CLIP4: variants seen among roughly 807,000 people sequenced by gnomAD.
CLIP4 encodes the protein CAP-Gly domain containing linker protein family member 4.
A neutral mutation model predicts 73.1 loss-of-function variants in CLIP4; 47 were observed. The observed-to-expected ratio is 0.64, with a 90% CI of 0.51 to 0.82. The LOEUF is 0.82. Among genes scored for constraint, CLIP4 ranks in the 40% least tolerant of loss-of-function variants. The probability of loss-of-function intolerance (pLI) is 0.00; values close to 1 mark genes in which losing one functional copy is unlikely to be tolerated. For synonymous variants in CLIP4, 306 were observed against 295.4 expected (o/e 1.04, Z -0.37); for missense variants, 874 against 852.9 (o/e 1.02, Z -0.31).
At chr2:29,104,903 C>T (rs951244122) in intron 1 of CLIP4, among the ~76,000 whole-genome samples, 1 of 152,106 alleles carries the variant, frequency 6.6e-6, no homozygotes, top group Non-Finnish European at 1.5e-5. Flanking sequence ...GGTGCTAGGA[C>T]GAGCGGGGTG....
chr2:29,178,905 A>G (rs1668496969), intron 15 of CLIP4, among the ~76,000 whole-genome samples: 1 of 151,962 alleles, frequency 6.6e-6, no homozygotes, highest in South Asian at 2.1e-4. Context: ...AGCGATTATC[A>G]TGCCTCAGCC....
exon 1 of CLIP4, chr2:29,097,814 G>A (rs7598888): frequency 0.14 from 21,598 of 152,206 alleles, 1,782 homozygotes; most frequent in Middle Eastern, 0.27. Context: ...CTCAGGGAGT[G>A]CAGTATGAAA....
At position 29,115,997 on chromosome 2, in the gene CLIP4, C is replaced by G. The variant is rs1210397822; in HGVS notation, c.-16+332C>G. Among the ~76,000 whole-genome samples the G allele has an allele frequency of 6.6e-6, 1 of 152,188 alleles. No individual in the cohort carries two copies. Among genetic ancestry groups the G allele is most frequent in the African/African-American group, 2.4e-5 (1 of 41,450 alleles). ...TGGGCTCTGGGCCACGACCGCCAGCCGCGGCTGCCCCGAGAGTCCCCGCAC... is the reference window on the plus strand; with the variant it reads ...TGGGCTCTGGGCCACGACCGCCAGCGGCGGCTGCCCCGAGAGTCCCCGCAC... On this transcript the variant is annotated intron_variant, in intron 1 of 15. Coordinates refer to ENST00000320081, the MANE Select transcript of CLIP4 (RefSeq NM_024692.6). This position sits in a 1 kb window ranked among gnomAD's most constrained non-coding sequence, Gnocchi z 5.1.
intron 2 of CLIP4, 103 bp downstream of exon 2, chr2:29,121,624 T>C (rs1664254079): frequency 3.0e-6 from 4 of 1,315,546 alleles, no homozygotes; most frequent in Non-Finnish European, 3.1e-6. Flanking sequence ...TTTTATGGTT[T>C]TCATAAAATT....
upstream of CLIP4, among the ~76,000 whole-genome samples, chr2:29,111,159 C>T (rs1668378165): frequency 6.6e-6 from 1 of 152,196 alleles, no homozygotes; most frequent in Non-Finnish European, 1.5e-5. Context: ...CTAAGCACTG[C>T]CAGGTTGATC....
chr2:29,098,676 C>T (rs189665070), intron 1 of CLIP4, among the ~76,000 whole-genome samples: 134 of 152,258 alleles, frequency 8.8e-4, no homozygotes, highest in African/African-American at 3.0e-3. Flanking sequence ...CTAACATTCA[C>T]GTATCGGTTC....
upstream of CLIP4, chr2:29,113,932 A>AG (rs1377482294): frequency 6.6e-6 from 1 of 152,182 alleles, no homozygotes; most frequent in Non-Finnish European, 1.5e-5. This position sits in a 1 kb window ranked among gnomAD's most constrained non-coding sequence, Gnocchi z 4.0. Context: ...AGACAAGAAG[A>AG]GGGTATGATG....
intron 6 of CLIP4, among the ~76,000 whole-genome samples, chr2:29,139,591 G>A (rs1202465272): frequency 1.3e-5 from 2 of 152,016 alleles, no homozygotes; most frequent in African/African-American, 4.8e-5. Context: ...GTAGAATTTG[G>A]CTGTGAATCC....
chr2:29,160,294 T>C, intron 11 of CLIP4, 39 bp from the exon 12 acceptor site: 3 of 1,613,556 alleles, frequency 1.9e-6, no homozygotes, highest in Non-Finnish European at 2.5e-6. Flanking sequence ...TTCTCCTCTT[T>C]TCCTGCCCTG....
Position 29,148,643 on chromosome 2 carries a change from G to A in CLIP4, c.1021+3276G>A, listed in dbSNP as rs921749571. 4.6e-5 allele frequency among the ~76,000 whole-genome samples: 7 copies of A among 152,204 alleles called. No individual in the cohort carries two copies. In the East Asian group the frequency reaches 1.3e-3, roughly 29 times the overall value. On this transcript the variant is annotated intron_variant, in intron 8 of 15. Transcript: ENST00000320081. The stretch of plus-strand genomic sequence containing the variant: ...TTCAACTCTTTTAGCTGTATTGTCT[G>A]ATATTAATATCTGTATTTGTAACTA...
chr2:29,125,341 C>T (rs982153579), intron 2 of CLIP4, among the ~76,000 whole-genome samples: 2 of 152,298 alleles, frequency 1.3e-5, no homozygotes, highest in East Asian at 1.9e-4. Context: ...GGTTCTTTCC[C>T]TTACTTCAAG....
chr2:29,109,177 C>T (rs1293289235), intron 1 of CLIP4, among the ~76,000 whole-genome samples: 3 of 152,188 alleles, frequency 2.0e-5, no homozygotes, highest in East Asian at 3.8e-4. Flanking sequence ...GGACTGACAT[C>T]CTCATGGAAA....
At chr2:29,129,814 C>T (rs1563049) in intron 2 of CLIP4, among the ~76,000 whole-genome samples, 24,360 of 152,022 alleles carry the variant, frequency 0.16, 2,307 homozygotes, top group Middle Eastern at 0.26. Context: ...AAAGGTTCTC[C>T]GAAGTGGTCA....
At chr2:29,135,398 AT>A in intron 5 of CLIP4, 149 bp from the exon 6 acceptor site, 4 of 440,400 alleles carry the variant, frequency 9.1e-6, no homozygotes, top group Non-Finnish European at 1.6e-5. Flanking sequence ...TAATATAAAG[AT>A]TTTGTTCTGT....
intron 13 of CLIP4, 36 bp downstream of exon 13, chr2:29,163,990 T>C: frequency 2.5e-6 from 4 of 1,587,820 alleles, no homozygotes; most frequent in Non-Finnish European, 3.4e-6. Context: ...TTACAGAAAC[T>C]TTTTGTAATC....
chr2:29,126,746 C>A (rs1469005831), intron 2 of CLIP4, among the ~76,000 whole-genome samples: 2 of 152,142 alleles, frequency 1.3e-5, no homozygotes, highest in East Asian at 1.9e-4. Flanking sequence ...GTGGCCCCCA[C>A]AGAAACAGGC....
intron 1 of CLIP4, among the ~76,000 whole-genome samples, chr2:29,102,620 C>T (rs1668082505): frequency 6.6e-6 from 1 of 151,850 alleles, no homozygotes; most frequent in Non-Finnish European, 1.5e-5. Flanking sequence ...CGCATCACTT[C>T]CTTTTCTTTT....
At chr2:29,152,486 GTGT>G (rs1393075200) in intron 8 of CLIP4, among the ~76,000 whole-genome samples, 196 bp from the exon 9 acceptor site, 1 of 152,054 alleles carries the variant, frequency 6.6e-6, no homozygotes, top group Non-Finnish European at 1.5e-5. Context: ...CATTATTGAC[GTGT>G]TGTTAGTCTT....
intron 1 of CLIP4, among the ~76,000 whole-genome samples, chr2:29,104,362 A>G (rs1001500957): frequency 6.6e-5 from 10 of 151,676 alleles, no homozygotes; most frequent in Admixed American, 2.0e-4. Flanking sequence ...AGCAACCTCC[A>G]CCTCCTGGGC....
Sources: gnomAD v4.1 joint callset for allele counts (sites outside exome capture counted in the v4.1 genomes callset) on GRCh38, gnomAD v4.1.1 for gene constraint, Gnocchi (gnomAD v3.1) non-coding constraint, MANE v1.5 for transcripts, NCBI Gene and HGNC (gene_info 2026-07-23, HGNC 2026-07-21) for gene names.